Variants in TNRC6B observed in about 807,000 individuals in gnomAD.
TNRC6B encodes trinucleotide repeat-containing gene 6B protein.
TNRC6B carries 52 observed loss-of-function variants against 203.6 expected under a neutral mutation model. That is an observed-to-expected ratio of 0.26 (90% CI 0.20 to 0.32). The LOEUF (loss-of-function observed/expected upper bound fraction) is 0.32, where lower values mean the gene tolerates loss of function less well. Among genes scored for constraint, TNRC6B ranks in the 10% least tolerant of loss-of-function variants. TNRC6B has a pLI of 1.00. For missense variants in TNRC6B, 1,923 were observed against 2,286.2 expected, an observed-to-expected ratio of 0.84 and a Z score of 3.24; for synonymous variants, 838 against 845.7, an observed-to-expected ratio of 0.99 and a Z score of 0.16.
At chr22:40,248,277 G>A (rs1030038164) in intron 2 of TNRC6B, among the ~76,000 whole-genome samples, 27 of 152,266 alleles carry the variant, frequency 1.8e-4, no homozygotes, top group Middle Eastern at 6.8e-3. Context: ...TCCAACTGGA[G>A]GGATGTGAGA....
intron 1 of TNRC6B, among the ~76,000 whole-genome samples, chr22:40,082,687 T>G (rs1001022362): frequency 1.3e-5 from 2 of 152,092 alleles, no homozygotes; most frequent in Non-Finnish European, 2.9e-5. Flanking sequence ...ATTGCCATAG[T>G]TTAGGGAAGA....
Position 40,328,659 on chromosome 22 carries a change from A to T in TNRC6B, c.*5418A>T, listed in dbSNP as rs1313219958. ...CCATCTTGACTCTTCTCTAAAACAG[A>T]ATGAAAATGTCTGCATGCTGAGCAA... On this transcript the variant is annotated 3_prime_UTR_variant, in exon 23 of 23. Transcript: ENST00000454349. 2.0e-5 allele frequency: 3 copies of T among 152,174 alleles called. No individual in the cohort carries two copies. The highest frequency in any genetic ancestry group is 4.4e-5 in the Non-Finnish European group (3 of 68,036). The allele number at this position is 152,174 out of a possible 1,614,324, so 9.4% of individuals were successfully genotyped here.
chr22:40,094,183 A>C (rs2068170130), intron 1 of TNRC6B, among the ~76,000 whole-genome samples: 1 of 152,176 alleles, frequency 6.6e-6, no homozygotes. Flanking sequence ...ATTATATGTA[A>C]AGCACTATGA....
intron 3 of TNRC6B, among the ~76,000 whole-genome samples, chr22:40,126,058 T>C (rs1395899468): frequency 6.6e-6 from 1 of 152,216 alleles, no homozygotes. Flanking sequence ...ACAATTTTAC[T>C]GAACTACAGA....
rs958741289 is a variant in TNRC6B, at chr22:40,329,686, C to G, written c.*6445C>G. The G allele has an allele frequency of 3.3e-5, 5 of 152,124 alleles. No individual in the cohort carries two copies. Among genetic ancestry groups the G allele is most frequent in the African/African-American group, 1.2e-4 (5 of 41,414 alleles). The allele number at this position is 152,124 out of a possible 1,614,324, so 9.4% of individuals were successfully genotyped here. On this transcript the variant is annotated 3_prime_UTR_variant, in exon 23 of 23. Coordinates refer to ENST00000454349, the MANE Select transcript of TNRC6B (RefSeq NM_001162501.2). The stretch of plus-strand genomic sequence containing the variant: ...TCCAGCAGCTCAGCACCCACACTGC[C>G]CGCATGCGTGTGGCCACCGGGACCA...
chr22:40,143,734 G>A (rs1258899075), intron 3 of TNRC6B, among the ~76,000 whole-genome samples: 1 of 152,178 alleles, frequency 6.6e-6, no homozygotes, highest in Non-Finnish European at 1.5e-5. Context: ...CTGACCTCGT[G>A]ATCCGCCCGC....
chr22:40,235,101 T>C (rs937329211), intron 1 of TNRC6B, among the ~76,000 whole-genome samples: 14 of 152,340 alleles, frequency 9.2e-5, no homozygotes, highest in African/African-American at 3.4e-4. Flanking sequence ...TAATTAGTTA[T>C]AATTGGCAAT....
At chr22:40,076,022 A>C (rs138509586) in intron 1 of TNRC6B, among the ~76,000 whole-genome samples, 9 of 152,206 alleles carry the variant, frequency 5.9e-5, no homozygotes, top group Non-Finnish European at 8.8e-5. Context: ...ATTTACCCAC[A>C]TATTTGCCAT....
chr22:40,186,309 T>A (rs1252554360), intron 1 of TNRC6B, among the ~76,000 whole-genome samples: 5 of 152,104 alleles, frequency 3.3e-5, no homozygotes, highest in Non-Finnish European at 7.4e-5. Flanking sequence ...AGTATTTGGT[T>A]ATGGCAACAT....
At chr22:40,213,578 A>G (rs1340930260) in intron 1 of TNRC6B, among the ~76,000 whole-genome samples, 2 of 152,188 alleles carry the variant, frequency 1.3e-5, no homozygotes, top group Admixed American at 6.5e-5. Context: ...CTCTGTAGAA[A>G]ATGTATCAGA....
chr22:40,284,634 T>C (rs922926711), intron 11 of TNRC6B, among the ~76,000 whole-genome samples: 2 of 152,164 alleles, frequency 1.3e-5, no homozygotes, highest in African/African-American at 2.4e-5. Flanking sequence ...AAAGACAGAA[T>C]GGAAAATAAC....
chr22:40,312,761 A>G (rs2071203156), intron 18 of TNRC6B, 110 bp downstream of exon 18: 1 of 1,487,452 alleles, frequency 6.7e-7, no homozygotes, highest in Non-Finnish European at 9.2e-7. Context: ...CAAAAAATGT[A>G]AAAAGATTGC....
intron 3 of TNRC6B, among the ~76,000 whole-genome samples, chr22:40,131,361 T>A (rs1051829201): frequency 2.0e-5 from 3 of 152,054 alleles, no homozygotes; most frequent in Non-Finnish European, 4.4e-5. Flanking sequence ...TTATATATTC[T>A]TCGGGAGTTG....
intron 1 of TNRC6B, among the ~76,000 whole-genome samples, chr22:40,113,989 A>G (rs1221625001): frequency 3.9e-5 from 6 of 152,192 alleles, no homozygotes; most frequent in Non-Finnish European, 2.9e-5. Flanking sequence ...AATAATCTGT[A>G]TCCCAAGAAT....
chr22:40,260,573 C>A (rs1289505225), intron 3 of TNRC6B, among the ~76,000 whole-genome samples: 1 of 152,090 alleles, frequency 6.6e-6, no homozygotes, highest in Non-Finnish European at 1.5e-5. Context: ...TCCAGGAGCA[C>A]TTAGGAAGAA....
chr22:40,191,713 C>G (rs140293330), intron 1 of TNRC6B, among the ~76,000 whole-genome samples: 1,578 of 152,260 alleles, frequency 0.01, 13 homozygotes, highest in Middle Eastern at 0.017. Flanking sequence ...TCCTGAGTAG[C>G]TAAGACTGCA....
At chr22:40,301,388 TG>T in intron 15 of TNRC6B, 55 bp downstream of exon 15, 1 of 1,549,612 alleles carries the variant, frequency 6.5e-7, no homozygotes, top group Non-Finnish European at 8.8e-7. Context: ...TCTAGGCCTG[TG>T]GTAGGGGTTG....
chr22:40,054,561 A>G (rs971360075), intron 1 of TNRC6B, among the ~76,000 whole-genome samples: 4 of 152,198 alleles, frequency 2.6e-5, no homozygotes, highest in Non-Finnish European at 4.4e-5. Flanking sequence ...TATCAATTGT[A>G]TAATTATTTA....
At chr22:40,088,828 G>A (rs1363547831) in intron 1 of TNRC6B, among the ~76,000 whole-genome samples, 1 of 152,066 alleles carries the variant, frequency 6.6e-6, no homozygotes, top group Non-Finnish European at 1.5e-5. Context: ...AGGAAATAGG[G>A]TAGAGGGGAC....
Sources: gnomAD v4.1 joint callset for allele counts (sites outside exome capture counted in the v4.1 genomes callset) on GRCh38, gnomAD v4.1.1 for gene constraint, MANE v1.5 for transcripts, NCBI Gene and HGNC (gene_info 2026-07-23, HGNC 2026-07-21) for gene names.